YIPF4: variants seen among roughly 807,000 people sequenced by gnomAD.
The protein encoded by YIPF4 is protein YIPF4.
YIPF4 carries 18 observed loss-of-function variants against 29.4 expected under a neutral mutation model. That is an observed-to-expected ratio of 0.61 (90% CI 0.42 to 0.91). The LOEUF is 0.91. YIPF4 is among the 40% of genes least tolerant of loss of function. The pLI, the probability that YIPF4 is intolerant of heterozygous loss-of-function variation, is 0.00. For missense variants in YIPF4, 279 were observed against 282.7 expected, an observed-to-expected ratio of 0.99 and a Z score of 0.09; for synonymous variants, 115 against 104.7, an observed-to-expected ratio of 1.10 and a Z score of -0.60.
At chr2:32,289,119 T>C in intron 1 of YIPF4, among the ~76,000 whole-genome samples, 1 of 152,244 alleles carries the variant, frequency 6.6e-6, no homozygotes, top group Admixed American at 6.5e-5. Flanking sequence ...GGATTATTTT[T>C]GAACTTTAAG....
At chr2:32,299,837 G>T (rs2031330128) in intron 4 of YIPF4, among the ~76,000 whole-genome samples, 1 of 152,062 alleles carries the variant, frequency 6.6e-6, no homozygotes, top group South Asian at 2.1e-4. Flanking sequence ...AAGGAGTTTT[G>T]AGCTGGGTGT....
chr2:32,292,756 C>T (rs1375638990), intron 3 of YIPF4, among the ~76,000 whole-genome samples: 6 of 149,478 alleles, frequency 4.0e-5, no homozygotes, highest in East Asian at 2.0e-4. Context: ...CCCAGCTACT[C>T]GGGAAGCTGA....
intron 3 of YIPF4, among the ~76,000 whole-genome samples, chr2:32,297,699 A>G (rs1403199137): frequency 1.3e-5 from 2 of 152,130 alleles, no homozygotes; most frequent in African/African-American, 4.8e-5. Context: ...AGAAACCAGT[A>G]TCTGGGTGAT....
At position 32,277,927 on chromosome 2, in the gene YIPF4, G is replaced by T. The variant is rs916072489; in HGVS notation, c.-229G>T. 12 of 524,600 alleles carry T rather than the reference G, an allele frequency of 2.3e-5. No individual in the cohort carries two copies. The highest frequency in any genetic ancestry group is 3.7e-5 in the Non-Finnish European group (11 of 298,570). The allele number at this position is 524,600 out of a possible 1,614,324, so 32.5% of individuals were successfully genotyped here. Reference sequence around the variant, plus strand: ...CTGTCACTGTTATGGTCCTGTCAGGGTGCCGGCGTCGTGGTGCTTGGGTGG... The same window carrying T: ...CTGTCACTGTTATGGTCCTGTCAGGTTGCCGGCGTCGTGGTGCTTGGGTGG... On this transcript the variant is annotated 5_prime_UTR_variant, in exon 1 of 6. Transcript: ENST00000238831.
rs192588979 is a variant in YIPF4 at position 32,299,128 on chromosome 2, C to T, written c.483+817C>T. On this transcript the variant is annotated intron_variant, in intron 4 of 5. Coordinates refer to ENST00000238831, the MANE Select transcript of YIPF4 (RefSeq NM_032312.4). ...CCCGATCTCAAGTGATCTGCCTCAGCCTCGCAAAGTGCTAGGATTACCGGT... is the reference window on the plus strand; with the variant it reads ...CCCGATCTCAAGTGATCTGCCTCAGTCTCGCAAAGTGCTAGGATTACCGGT... Among the ~76,000 whole-genome samples the T allele has an allele frequency of 2.1e-3, 315 of 152,266 alleles. 1 individual carries two copies. The highest frequency in any genetic ancestry group is 4.9e-3 in the Admixed American group (75 of 15,292).
intron 5 of YIPF4, among the ~76,000 whole-genome samples, chr2:32,304,441 AC>A (rs572606557): frequency 6.6e-5 from 10 of 151,938 alleles, no homozygotes; most frequent in Non-Finnish European, 1.5e-4. Context: ...AGTTCAACAA[AC>A]CCAGTGGAAA....
Position 32,292,334 on chromosome 2 carries a change from T to C in YIPF4, c.391T>C (p.Tyr131His), listed in dbSNP as rs773320261. 3.1e-6 allele frequency: 5 copies of C among 1,588,616 alleles called. No homozygotes were observed. Among genetic ancestry groups the C allele is most frequent in the East Asian group, 2.2e-5 (1 of 44,480 alleles). ...TCTTTTCTTTTCCATGATATCATTA[T>C]ATGGACAGTTTAGGGTAAGTATATC... Reference protein sequence around the residue: ...VVLFFSMISLYGQFRVVSWII... With the variant: ...VVLFFSMISLHGQFRVVSWII... Residue 131 changes from tyrosine to histidine, a missense_variant, in exon 3 of 6, where the codon TAT becomes CAT. Tyr to His is a moderately conservative substitution (Grantham distance 83). Coordinates refer to ENST00000238831, the MANE Select transcript of YIPF4 (RefSeq NM_032312.4).
At chr2:32,280,047 T>G (rs1204412204) in intron 1 of YIPF4, among the ~76,000 whole-genome samples, 10 of 151,210 alleles carry the variant, frequency 6.6e-5, no homozygotes, top group Non-Finnish European at 2.9e-5. Context: ...GTCTGGTGGC[T>G]GGTTTTTCTG....
At position 32,294,145 on chromosome 2, in the gene YIPF4, G is replaced by A. The variant is rs180727434; in HGVS notation, c.405+1797G>A. On this transcript the variant is annotated intron_variant, in intron 3 of 5. Transcript: ENST00000238831. Reference sequence around the variant, plus strand: ...TGACCCCCCCACTTCCCTCCCAGACGGGTCGGCTGGCCTGGCAGGGGCTGA... The same window carrying A: ...TGACCCCCCCACTTCCCTCCCAGACAGGTCGGCTGGCCTGGCAGGGGCTGA... 8.3e-3 allele frequency among the ~76,000 whole-genome samples: 1,255 copies of A among 151,438 alleles called. 9 individuals are homozygous for A. Among genetic ancestry groups the A allele is most frequent in the Middle Eastern group, 0.014 (4 of 290 alleles).
chr2:32,316,389 TAAC>T lies in YIPF4; in HGVS notation c.*10767_*10769del, dbSNP rs1197791032. On this transcript the variant is annotated 3_prime_UTR_variant, in exon 6 of 6. Transcript: ENST00000238831. ...AATTCATTCATGATTAAATGTGAAT[TAAC>T]AACGTTGGCCTCTCGGATTCCCAAA... 6.6e-6 allele frequency: 1 copy of T among 152,214 alleles called. No individual in the cohort carries two copies. The highest frequency in any genetic ancestry group is 1.5e-5 in the Non-Finnish European group (1 of 68,028). 9.4% of individuals were successfully genotyped at this position (152,214 alleles called of 1,614,324 possible). A position where few individuals can be genotyped will look rare whatever the true frequency, so the allele number is the denominator to read the frequency against.
intron 1 of YIPF4, among the ~76,000 whole-genome samples, chr2:32,278,826 T>C (rs369602351): frequency 1.8e-4 from 27 of 152,116 alleles, no homozygotes; most frequent in African/African-American, 5.8e-4. Flanking sequence ...AAACCAACAA[T>C]GTGTTTCCAG....
rs1353631790 is a variant in YIPF4 at position 32,312,099 on chromosome 2, A to C, written c.*6473A>C. 1 of 152,202 alleles carries C rather than the reference A, an allele frequency of 6.6e-6. No individual in the cohort carries two copies. The highest frequency in any genetic ancestry group is 1.5e-5 in the Non-Finnish European group (1 of 68,038). The allele number at this position is 152,202 out of a possible 1,614,324, so 9.4% of individuals were successfully genotyped here. A position where few individuals can be genotyped will look rare whatever the true frequency, so the allele number is the denominator to read the frequency against. ...TATAGTCTCTTCATGGAAAACAGTAAAAATACTCACGTTTATGATGATGGG... is the reference window on the plus strand; with the variant it reads ...TATAGTCTCTTCATGGAAAACAGTACAAATACTCACGTTTATGATGATGGG... On this transcript the variant is annotated 3_prime_UTR_variant, in exon 6 of 6. Coordinates refer to ENST00000238831, the MANE Select transcript of YIPF4 (RefSeq NM_032312.4).
Position 32,278,183 on chromosome 2 carries a change from T to G in YIPF4, c.28T>G (p.Tyr10Asp), listed in dbSNP as rs777129844. The G allele has an allele frequency of 1.3e-6, 2 of 1,573,372 alleles. No homozygotes were observed. Among genetic ancestry groups the G allele is most frequent in the Admixed American group, 1.8e-5 (1 of 54,848 alleles). MQPPGPPPAYAPTNGDFTFV... is the reference protein window; with the variant it reads MQPPGPPPADAPTNGDFTFV... ...GCAGCCTCCGGGCCCGCCCCCGGCC[T>G]ATGCCCCCACTAACGGGGACTTCAC... Residue 10 changes from tyrosine to aspartate, a missense_variant, in exon 1 of 6, where the codon TAT becomes GAT. Tyr to Asp is a radical substitution (Grantham distance 160, BLOSUM62 -3). Transcript: ENST00000238831.
chr2:32,292,862 C>CAAAAAAA (rs1217481341), intron 3 of YIPF4, among the ~76,000 whole-genome samples: 6 of 77,878 alleles, frequency 7.7e-5, no homozygotes, highest in African/African-American at 1.5e-4. Flanking sequence ...GACTCCATCT[C>CAAAAAAA]AAAAAAAAAA....
rs2031698191 is a variant in YIPF4 at position 32,310,590 on chromosome 2, G to A, written c.*4964G>A. ...CTAGTTTGTTTGGGAAAAAAAAATT[G>A]TTTGTATGCCTGGGTACAGTATCAT... is the stretch of plus-strand genomic sequence containing the variant. On this transcript the variant is annotated 3_prime_UTR_variant, in exon 6 of 6. Coordinates refer to ENST00000238831, the MANE Select transcript of YIPF4 (RefSeq NM_032312.4). 6.6e-6 allele frequency: 1 copy of A among 152,100 alleles called. No individual in the cohort carries two copies. The allele number at this position is 152,100 out of a possible 1,614,324, so 9.4% of individuals were successfully genotyped here. A position where few individuals can be genotyped will look rare whatever the true frequency, so the allele number is the denominator to read the frequency against.
rs2030172511 is a variant in YIPF4 at position 32,277,983 on chromosome 2, C to T, written c.-173C>T. 4 of 567,092 alleles carry T rather than the reference C, an allele frequency of 7.1e-6. No individual in the cohort carries two copies. Among genetic ancestry groups the T allele is most frequent in the South Asian group, 2.2e-5 (1 of 44,950 alleles). 35.1% of individuals were successfully genotyped at this position (567,092 alleles called of 1,614,324 possible). A position where few individuals can be genotyped will look rare whatever the true frequency, so the allele number is the denominator to read the frequency against. On this transcript the variant is annotated 5_prime_UTR_variant, in exon 1 of 6. Transcript: ENST00000238831. ...ACCAAGAAGACTTTGGTGGGGTAGT[C>T]TCGGGGCAGCTCAGCGGCCCGCTGT...
At chr2:32,304,122 A>T (rs2031496754) in intron 5 of YIPF4, among the ~76,000 whole-genome samples, 1 of 152,068 alleles carries the variant, frequency 6.6e-6, no homozygotes, top group Non-Finnish European at 1.5e-5. Context: ...CTTTGCCAAA[A>T]TTTTTTTCCT....
At chr2:32,282,423 C>T (rs1332649383) in intron 1 of YIPF4, among the ~76,000 whole-genome samples, 3 of 152,116 alleles carry the variant, frequency 2.0e-5, no homozygotes, top group African/African-American at 7.2e-5. Flanking sequence ...GGGCAAGCTA[C>T]TTACCTTTTT....
intron 4 of YIPF4, among the ~76,000 whole-genome samples, chr2:32,299,579 T>C (rs935739630): frequency 1.3e-5 from 2 of 152,092 alleles, no homozygotes; most frequent in South Asian, 2.1e-4. Flanking sequence ...CCCAGCACTT[T>C]GGGGGGCTGA....
Sources: allele counts gnomAD v4.1 joint callset (sites outside exome capture counted in the v4.1 genomes callset), GRCh38; gene constraint gnomAD v4.1.1; transcripts MANE v1.5; gene names NCBI Gene and HGNC (gene_info 2026-07-23, HGNC 2026-07-21).